Variants in SLC60A2 observed in about 807,000 individuals in gnomAD.
SLC60A2 encodes the protein major facilitator superfamily domain containing 4B.
chr6:111,272,127 C>G, the SLC60A2 span, among the ~76,000 whole-genome samples: 1 of 152,268 alleles, frequency 6.6e-6, no homozygotes, highest in African/African-American at 2.4e-5. Context: ...CTCAGCCTCC[C>G]AAGTAGCTGG....
the SLC60A2 span, chr6:111,278,781 A>G: frequency 6.6e-6 from 1 of 152,218 alleles, no homozygotes; most frequent in African/African-American, 2.4e-5. Context: ...CAGCATGAAA[A>G]CAGACTAATA....
At chr6:111,261,346 T>C in the SLC60A2 span, among the ~76,000 whole-genome samples, 3 of 152,196 alleles carry the variant, frequency 2.0e-5, no homozygotes, top group Non-Finnish European at 4.4e-5. Flanking sequence ...CGTTTTCCAG[T>C]GGCTCAGTCA....
the SLC60A2 span, chr6:111,266,395 T>G: frequency 6.2e-7 from 1 of 1,614,198 alleles, no homozygotes; most frequent in Non-Finnish European, 8.5e-7. Context: ...TGGGGGACAT[T>G]TGCAGCCTGC....
the SLC60A2 span, chr6:111,271,002 G>T: frequency 7.1e-6 from 1 of 140,306 alleles, no homozygotes; most frequent in Non-Finnish European, 1.6e-5. Flanking sequence ...TTGTTGGACA[G>T]TGGGTGAGTT....
the SLC60A2 span, chr6:111,271,188 AAAAAAG>A: frequency 6.6e-6 from 1 of 151,460 alleles, no homozygotes; most frequent in Non-Finnish European, 1.5e-5. Flanking sequence ...AAAAAAAAAA[AAAAAAG>A]GAAATACAGT....
chr6:111,265,044 G>A, the SLC60A2 span, among the ~76,000 whole-genome samples: 1 of 152,136 alleles, frequency 6.6e-6, no homozygotes, highest in African/African-American at 2.4e-5. Flanking sequence ...AGAGAGCCAC[G>A]ATTGTGCCAT....
At chr6:111,269,098 T>G in the SLC60A2 span, 1 of 152,198 alleles carries the variant, frequency 6.6e-6, no homozygotes, top group African/African-American at 2.4e-5. Context: ...CCCATTCACC[T>G]TATATGCCTG....
At chr6:111,261,955 C>G in the SLC60A2 span, among the ~76,000 whole-genome samples, 1 of 151,884 alleles carries the variant, frequency 6.6e-6, no homozygotes, top group Admixed American at 6.6e-5. Flanking sequence ...ATGTACGAAA[C>G]CATTTCAAAA....
chr6:111,260,221 T>C, the SLC60A2 span, among the ~76,000 whole-genome samples: 1 of 152,218 alleles, frequency 6.6e-6, no homozygotes, highest in African/African-American at 2.4e-5. Flanking sequence ...CGGCAAGCCT[T>C]CCTACGTCTC....
the SLC60A2 span, among the ~76,000 whole-genome samples, chr6:111,279,354 C>T: frequency 4.6e-5 from 7 of 151,902 alleles, no homozygotes; most frequent in South Asian, 2.1e-4. Flanking sequence ...CTTCACCTCC[C>T]GGGTTCACGC....
the SLC60A2 span, chr6:111,267,096 A>T: frequency 1.2e-6 from 2 of 1,610,768 alleles, no homozygotes; most frequent in African/African-American, 2.7e-5. Context: ...GCCAGAAACC[A>T]GGACAAAAGG....
At chr6:111,266,048 C>G in the SLC60A2 span, 1 of 1,614,178 alleles carries the variant, frequency 6.2e-7, no homozygotes, top group South Asian at 1.1e-5. Flanking sequence ...ATCCTGCACT[C>G]AACCAATCAT....
the SLC60A2 span, among the ~76,000 whole-genome samples, chr6:111,272,479 T>TGAACACTA: frequency 0.039 from 5,865 of 151,878 alleles, 331 homozygotes; most frequent in African/African-American, 0.13. Context: ...ACTGTGCTGT[T>TGAACACTA]GAACACTAGA....
chr6:111,266,983 G>A, the SLC60A2 span: 1 of 1,614,204 alleles, frequency 6.2e-7, no homozygotes, highest in Non-Finnish European at 8.5e-7. Context: ...TCTAGAAGTA[G>A]TCTGACGGAG....
At chr6:111,266,213 TGC>T in the SLC60A2 span, 1 of 1,613,578 alleles carries the variant, frequency 6.2e-7, no homozygotes, top group East Asian at 2.2e-5. Flanking sequence ...CAAGAGCATC[TGC>T]TGAGACATTT....
the SLC60A2 span, chr6:111,262,223 T>C: frequency 1.3e-6 from 2 of 1,574,716 alleles, no homozygotes; most frequent in South Asian, 2.3e-5. Context: ...TTTTAATGAT[T>C]ATAAGTAAAA....
the SLC60A2 span, among the ~76,000 whole-genome samples, chr6:111,272,611 A>C: frequency 2.0e-5 from 3 of 150,692 alleles, no homozygotes; most frequent in East Asian, 3.9e-4. Flanking sequence ...TCCCAGGTTC[A>C]AGCCATTCTC....
the SLC60A2 span, chr6:111,266,130 G>C: frequency 2.5e-6 from 4 of 1,613,844 alleles, no homozygotes; most frequent in Admixed American, 5.0e-5. Flanking sequence ...TGCTGTTATC[G>C]GTACTTACAT....
chr6:111,259,670 C>CG, the SLC60A2 span: 1 of 1,586,464 alleles, frequency 6.3e-7, no homozygotes, highest in African/African-American at 1.4e-5. Flanking sequence ...GCGGTGGGAC[C>CG]GGGAGCAAGC....
Sources: gnomAD v4.1 joint callset for allele counts (sites outside exome capture counted in the v4.1 genomes callset) on GRCh38, gnomAD v4.1.1 for gene constraint, MANE v1.5 for transcripts, NCBI Gene and HGNC (gene_info 2026-07-23, HGNC 2026-07-21) for gene names.